Variants in CFAP61 observed in about 807,000 individuals in gnomAD.
The protein encoded by CFAP61 is cilia and flagella associated protein 61, also known as cilia- and flagella-associated protein 61.
In CFAP61, 107 loss-of-function variants were observed where a neutral mutation model predicts 135.6. That is an observed-to-expected ratio of 0.79 (90% CI 0.67 to 0.93). The LOEUF (loss-of-function observed/expected upper bound fraction) is 0.93, where lower values mean the gene tolerates loss of function less well. CFAP61 is among the 40% of genes least tolerant of loss of function. CFAP61 has a pLI of 0.00. For synonymous variants in CFAP61, 575 were observed against 578.5 expected (o/e 0.99, Z 0.09); for missense variants, 1,507 against 1,556.2 (o/e 0.97, Z 0.53).
intron 8 of CFAP61, among the ~76,000 whole-genome samples, chr20:20,127,844 G>A (rs2050191076): frequency 1.3e-5 from 2 of 151,646 alleles, no homozygotes; most frequent in South Asian, 4.1e-4. Flanking sequence ...AGCTCAGACT[G>A]TCCTTGGGTG....
intron 10 of CFAP61, among the ~76,000 whole-genome samples, chr20:20,162,559 A>G (rs1172484871): frequency 1.3e-5 from 2 of 152,184 alleles, no homozygotes; most frequent in Non-Finnish European, 2.9e-5. Flanking sequence ...TAGGAAGCTA[A>G]AAATGTGCTC....
chr20:20,296,107 C>T lies in CFAP61; in HGVS notation c.3217-2074C>T, dbSNP rs772090250. On this transcript the variant is annotated intron_variant, in intron 24 of 26. Transcript: ENST00000245957. The stretch of plus-strand genomic sequence containing the variant: ...CTTCCTTCTTTCCTTCCTTCCTTCC[C>T]TCCCTCCTTCCCTTCCTTCCTTCCT... Among the ~76,000 whole-genome samples, 4 of 5,098 alleles carry T rather than the reference C, an allele frequency of 7.8e-4. 1 individual carries two copies. The highest frequency in any genetic ancestry group is 4.5e-3 in the East Asian group (1 of 222). 3.3% of individuals were successfully genotyped at this position (5,098 alleles called of 152,430 possible).
chr20:20,119,468 G>A (rs1379144235), intron 8 of CFAP61, among the ~76,000 whole-genome samples: 3 of 151,874 alleles, frequency 2.0e-5, no homozygotes, highest in African/African-American at 7.3e-5. Context: ...ATATTTCCTT[G>A]TATGTTTCTG....
At chr20:20,150,581 T>C (rs1471119458) in intron 9 of CFAP61, among the ~76,000 whole-genome samples, 3 of 152,182 alleles carry the variant, frequency 2.0e-5, no homozygotes, top group African/African-American at 7.2e-5. Flanking sequence ...GCTTCACTGC[T>C]AGCATAACTA....
chr20:20,315,549 C>G (rs1197199534), intron 25 of CFAP61, among the ~76,000 whole-genome samples: 3 of 151,860 alleles, frequency 2.0e-5, no homozygotes, highest in African/African-American at 7.3e-5. Context: ...TAATTAGATC[C>G]CATTTGTCAA....
chr20:20,261,220 G>A (rs2052165153), intron 20 of CFAP61, among the ~76,000 whole-genome samples: 1 of 152,132 alleles, frequency 6.6e-6, no homozygotes, highest in Non-Finnish European at 1.5e-5. Flanking sequence ...ATACATCACG[G>A]CAATGTACTA....
rs561590050 is a variant in CFAP61 at position 20,233,259 on chromosome 20, CTAAT to C, written c.2060+4886_2060+4889del. 4.5e-4 allele frequency among the ~76,000 whole-genome samples: 68 copies of C among 152,322 alleles called. 1 individual carries two copies. Among genetic ancestry groups the C allele is most frequent in the Non-Finnish European group, 1.2e-4 (8 of 68,034 alleles). The stretch of plus-strand genomic sequence containing the variant: ...CTGAAACCTTCAGTGTGGCCTGTCA[CTAAT>C]TAGGTGACTAATTAAATAGTCAGTG... On this transcript the variant is annotated intron_variant, in intron 18 of 26. Coordinates refer to ENST00000245957, the MANE Select transcript of CFAP61 (RefSeq NM_015585.4).
Position 20,117,712 on chromosome 20 carries a change from T to A in CFAP61, c.859+18898T>A, listed in dbSNP as rs533026560. Among the ~76,000 whole-genome samples the A allele has an allele frequency of 3.3e-5, 5 of 152,302 alleles. No homozygotes were observed. The East Asian group carries it at 5.8e-4, about 18-fold the overall frequency. On this transcript the variant is annotated intron_variant, in intron 8 of 26. Coordinates refer to ENST00000245957, the MANE Select transcript of CFAP61 (RefSeq NM_015585.4). ...GTTTTAACGATATTCTTCTAATGCA[T>A]GACCATGGATTATCTTTCCATTTTT...
chr20:20,151,997 G>A (rs558138775), intron 9 of CFAP61, among the ~76,000 whole-genome samples: 69 of 152,126 alleles, frequency 4.5e-4, no homozygotes, highest in African/African-American at 1.1e-3. Flanking sequence ...AAAGGAAAAC[G>A]TATCAGATTT....
intron 1 of CFAP61, among the ~76,000 whole-genome samples, chr20:20,055,217 C>T (rs1180345125): frequency 6.6e-6 from 1 of 152,124 alleles, no homozygotes; most frequent in Non-Finnish European, 1.5e-5. Context: ...TTATTATAAA[C>T]ATACTTAGTT....
chr20:20,129,132 C>T (rs2050306637), intron 8 of CFAP61, among the ~76,000 whole-genome samples: 2 of 151,518 alleles, frequency 1.3e-5, no homozygotes, highest in Non-Finnish European at 2.9e-5. Context: ...TTGGGTTTGT[C>T]CATGTACTTA....
At chr20:20,166,207 G>A (rs6046678) in intron 11 of CFAP61, among the ~76,000 whole-genome samples, 190 bp from the exon 12 acceptor site, 136,965 of 152,256 alleles carry the variant, frequency 0.9, 62,427 homozygotes, top group Middle Eastern at 0.99. Context: ...CTTCAGTTCT[G>A]CAGAATACTT....
chr20:20,218,586 C>T (rs2048192390), intron 17 of CFAP61, among the ~76,000 whole-genome samples: 1 of 152,232 alleles, frequency 6.6e-6, no homozygotes, highest in Non-Finnish European at 1.5e-5. Flanking sequence ...TTTTAACCCA[C>T]TGTATTTTGG....
chr20:20,053,083 CTAGT>C (rs2043893648), intron 1 of CFAP61, among the ~76,000 whole-genome samples: 1 of 152,172 alleles, frequency 6.6e-6, no homozygotes, highest in Admixed American at 6.5e-5. Flanking sequence ...CTTAATTACT[CTAGT>C]TAAATTTTCT....
intron 17 of CFAP61, among the ~76,000 whole-genome samples, chr20:20,216,579 G>A (rs766324584): frequency 2.0e-5 from 3 of 152,210 alleles, no homozygotes; most frequent in Non-Finnish European, 2.9e-5. Flanking sequence ...GCATGGGGAA[G>A]CCTTTTGTGC....
intron 21 of CFAP61, among the ~76,000 whole-genome samples, chr20:20,274,869 CT>C (rs1351344986): frequency 2.6e-5 from 4 of 152,134 alleles, no homozygotes; most frequent in Non-Finnish European, 4.4e-5. Flanking sequence ...AGAACTATAA[CT>C]AGTCTTAGAA....
At chr20:20,163,758 C>T (rs1456818078) in intron 10 of CFAP61, among the ~76,000 whole-genome samples, 2 of 152,008 alleles carry the variant, frequency 1.3e-5, no homozygotes, top group Admixed American at 6.6e-5. Context: ...TGTCTTAATG[C>T]TCTCCCTCCC....
At chr20:20,209,031 A>G (rs1303791303) in intron 17 of CFAP61, among the ~76,000 whole-genome samples, 1 of 152,266 alleles carries the variant, frequency 6.6e-6, no homozygotes, top group South Asian at 2.1e-4. Context: ...TAACCCTTTC[A>G]TGTCTTCATT....
At chr20:20,121,709 G>T (rs1032893296) in intron 8 of CFAP61, among the ~76,000 whole-genome samples, 5 of 152,088 alleles carry the variant, frequency 3.3e-5, no homozygotes, top group Admixed American at 1.3e-4. Context: ...GGCCATGCTG[G>T]TCTTGAACTT....
Sources: allele counts gnomAD v4.1 joint callset (sites outside exome capture counted in the v4.1 genomes callset), GRCh38; gene constraint gnomAD v4.1.1; transcripts MANE v1.5; gene names NCBI Gene and HGNC (gene_info 2026-07-23, HGNC 2026-07-21).